GSG1L: variants seen among roughly 807,000 people sequenced by gnomAD.
The protein encoded by GSG1L is germ cell-specific gene 1-like protein.
A neutral mutation model predicts 42.1 loss-of-function variants in GSG1L; 24 were observed. The ratio of observed to expected loss-of-function variants is 0.57; its 90% CI spans 0.41 to 0.80. The LOEUF (loss-of-function observed/expected upper bound fraction) is 0.80, where lower values mean the gene tolerates loss of function less well. Ranked by LOEUF, GSG1L falls within the 30% of genes least tolerant of loss-of-function variation. GSG1L has a pLI of 0.00. For synonymous variants in GSG1L, 215 were observed against 203.5 expected (o/e 1.06, Z -0.48); for missense variants, 445 against 472.2 (o/e 0.94, Z 0.53).
At chr16:27,974,730 C>G (rs2085232633) in intron 1 of GSG1L, among the ~76,000 whole-genome samples, 1 of 152,124 alleles carries the variant, frequency 6.6e-6, no homozygotes, top group Non-Finnish European at 1.5e-5. Flanking sequence ...CAAGCCTTCT[C>G]AATGACCAGC....
At chr16:27,800,548 C>T (rs1385257898) in intron 6 of GSG1L, among the ~76,000 whole-genome samples, 1 of 152,194 alleles carries the variant, frequency 6.6e-6, no homozygotes, top group African/African-American at 2.4e-5. Flanking sequence ...TCAAATGTCA[C>T]GTCTGATGTG....
At chr16:27,910,073 C>T (rs2084368771) in intron 2 of GSG1L, among the ~76,000 whole-genome samples, 1 of 151,126 alleles carries the variant, frequency 6.6e-6, no homozygotes, top group Non-Finnish European at 1.5e-5. Context: ...GATTCTCCTG[C>T]CTCAGCCTCC....
intron 6 of GSG1L, among the ~76,000 whole-genome samples, chr16:27,792,582 T>A (rs2082767758): frequency 6.6e-6 from 1 of 151,854 alleles, no homozygotes; most frequent in Non-Finnish European, 1.5e-5. Flanking sequence ...CCAGCTGGAG[T>A]TTCAGCTCTC....
At chr16:27,871,406 C>G (rs905751155) in intron 3 of GSG1L, among the ~76,000 whole-genome samples, 2 of 152,178 alleles carry the variant, frequency 1.3e-5, no homozygotes, top group Non-Finnish European at 2.9e-5. Flanking sequence ...CTTGAGGAGG[C>G]TGAAGCAGGC....
intron 3 of GSG1L, among the ~76,000 whole-genome samples, chr16:27,850,070 C>T (rs1344474966): frequency 1.7e-5 from 2 of 120,076 alleles, no homozygotes; most frequent in Non-Finnish European, 3.2e-5. Flanking sequence ...ACTCTGTCAC[C>T]CAGGCTGGAG....
intron 3 of GSG1L, among the ~76,000 whole-genome samples, chr16:27,880,795 G>C (rs1044920604): frequency 1.3e-5 from 2 of 152,004 alleles, no homozygotes; most frequent in Admixed American, 6.6e-5. Flanking sequence ...AGCAGGTTGG[G>C]GGAAGAGCTA....
intron 1 of GSG1L, among the ~76,000 whole-genome samples, chr16:28,013,664 GCT>G (rs1449022184): frequency 2.6e-5 from 4 of 152,212 alleles, no homozygotes; most frequent in Non-Finnish European, 5.9e-5. Context: ...CCTGGATCCT[GCT>G]CTCTCAGCAT....
intron 5 of GSG1L, among the ~76,000 whole-genome samples, chr16:27,817,328 T>C (rs1270787185): frequency 6.6e-6 from 1 of 152,176 alleles, no homozygotes; most frequent in Admixed American, 6.5e-5. Flanking sequence ...CCACCCTATA[T>C]GGTTCCATCT....
chr16:27,918,600 A>G (rs901945356), intron 2 of GSG1L, among the ~76,000 whole-genome samples: 1 of 151,908 alleles, frequency 6.6e-6, no homozygotes, highest in African/African-American at 2.4e-5. Context: ...CGGAGGTCAC[A>G]GTGAGCCAAG....
intron 2 of GSG1L, among the ~76,000 whole-genome samples, chr16:27,922,568 G>A (rs372048923): frequency 5.9e-5 from 9 of 152,026 alleles, no homozygotes; most frequent in Non-Finnish European, 1.3e-4. Flanking sequence ...TCCTCATCTC[G>A]TCCCTCTTTG....
chr16:28,059,469 A>G lies in GSG1L; in HGVS notation c.349+3607T>C, dbSNP rs2086316647. 6.6e-6 allele frequency among the ~76,000 whole-genome samples: 1 copy of G among 151,578 alleles called. No individual in the cohort carries two copies. The highest frequency in any genetic ancestry group is 2.1e-4 in the South Asian group (1 of 4,784). On this transcript the variant is annotated intron_variant, in intron 1 of 6. Transcript: ENST00000447459. The surrounding 1 kb of genome is among the most constrained non-coding windows in gnomAD (Gnocchi z 4.4). ...TCCTGCCAGCCTGGCAAGTCCCCCA[A>G]GACCCCTCCACCTCCCCCCAATCTT...
At chr16:27,886,218 T>C (rs974060903) in intron 2 of GSG1L, among the ~76,000 whole-genome samples, 1 of 152,156 alleles carries the variant, frequency 6.6e-6, no homozygotes, top group Non-Finnish European at 1.5e-5. Flanking sequence ...GGCAGATGGA[T>C]CACTTGAGGT....
At chr16:28,062,915 G>C (rs2086359404) in intron 1 of GSG1L, among the ~76,000 whole-genome samples, 161 bp downstream of exon 1, 1 of 152,000 alleles carries the variant, frequency 6.6e-6, no homozygotes, top group Admixed American at 6.5e-5. Context: ...CCGGAACGGC[G>C]CGCGCCCCCT....
chr16:27,801,419 T>C (rs1323195622), intron 6 of GSG1L, among the ~76,000 whole-genome samples: 1 of 152,184 alleles, frequency 6.6e-6, no homozygotes, highest in Non-Finnish European at 1.5e-5. Context: ...ACACAGTAAG[T>C]GTTTAATAAT....
At chr16:28,053,461 G>T (rs2086241691) in intron 1 of GSG1L, among the ~76,000 whole-genome samples, 1 of 152,312 alleles carries the variant, frequency 6.6e-6, no homozygotes, top group African/African-American at 2.4e-5. Flanking sequence ...CAACTGGGAG[G>T]ACAGAGGGGG....
intron 2 of GSG1L, among the ~76,000 whole-genome samples, chr16:27,956,896 C>G (rs2085011967): frequency 6.6e-6 from 1 of 151,982 alleles, no homozygotes; most frequent in East Asian, 1.9e-4. Context: ...GTCTTACTGG[C>G]CAATGCACCA....
chr16:27,871,734 A>G (rs2083823786), intron 3 of GSG1L, among the ~76,000 whole-genome samples: 1 of 152,364 alleles, frequency 6.6e-6, no homozygotes, highest in East Asian at 1.9e-4. Flanking sequence ...GAGCTACAAC[A>G]TGGATGAAAC....
At chr16:28,011,927 C>G (rs2085723655) in intron 1 of GSG1L, among the ~76,000 whole-genome samples, 1 of 152,176 alleles carries the variant, frequency 6.6e-6, no homozygotes, top group African/African-American at 2.4e-5. Flanking sequence ...GTGAGCACAG[C>G]CAACTCTGCC....
rs563014409 is a variant in GSG1L at position 27,992,492 on chromosome 16, T to A, written c.350-29289A>T. The stretch of plus-strand genomic sequence containing the variant: ...CCTGGGCAACAAGAGTGAAACTCCA[T>A]CTCAAAAAAAAAAAAAGGAATATTT... On this transcript the variant is annotated intron_variant, in intron 1 of 6. Coordinates refer to ENST00000447459, the MANE Select transcript of GSG1L (RefSeq NM_001109763.2). Among the ~76,000 whole-genome samples the A allele has an allele frequency of 5.0e-3, 420 of 83,738 alleles. 3 individuals carry two copies. The highest frequency in any genetic ancestry group is 0.013 in the African/African-American group (412 of 30,940). 54.9% of individuals were successfully genotyped at this position (83,738 alleles called of 152,430 possible).
Sources: allele counts gnomAD v4.1 joint callset (sites outside exome capture counted in the v4.1 genomes callset), GRCh38; gene constraint gnomAD v4.1.1; non-coding constraint Gnocchi (gnomAD v3.1); transcripts MANE v1.5; gene names NCBI Gene and HGNC (gene_info 2026-07-23, HGNC 2026-07-21).